The following CCDC171 variants were observed in gnomAD, a reference collection of about 807,000 sequenced individuals.
CCDC171 encodes the protein coiled-coil domain containing 171.
A neutral mutation model predicts 168.2 loss-of-function variants in CCDC171; 177 were observed. That is an observed-to-expected ratio of 1.05 (90% CI 0.93 to 1.19). The LOEUF is 1.19. Ranked by LOEUF, CCDC171 falls within the 50% of genes most tolerant of loss-of-function variation. The pLI, the probability that CCDC171 is intolerant of heterozygous loss-of-function variation, is 0.00. For missense variants in CCDC171, 1,991 were observed against 1,539.0 expected (o/e 1.29, Z -4.91); for synonymous variants, 687 against 540.8 (o/e 1.27, Z -3.75).
At chr9:15,945,811 T>C (rs1317267033) in intron 25 of CCDC171, among the ~76,000 whole-genome samples, 3 of 152,062 alleles carry the variant, frequency 2.0e-5, no homozygotes, top group African/African-American at 7.2e-5. Flanking sequence ...TTGCGAAGAT[T>C]TTCTCCCATT....
chr9:15,567,575 G>C (rs1039298394), intron 2 of CCDC171, among the ~76,000 whole-genome samples: 2 of 152,108 alleles, frequency 1.3e-5, no homozygotes, highest in Admixed American at 6.6e-5. Context: ...ATGAATGTGA[G>C]TATGGTGGAA....
chr9:15,825,466 A>G (rs1303933869), intron 21 of CCDC171, among the ~76,000 whole-genome samples: 4 of 152,190 alleles, frequency 2.6e-5, no homozygotes, highest in Non-Finnish European at 4.4e-5. Context: ...AATAAAAAAT[A>G]AATATAAATT....
chr9:15,623,463 A>ACGCGCACGCGCGCGCGCGCG (rs144676393), intron 7 of CCDC171, 50 bp downstream of exon 7: 5 of 636,466 alleles, frequency 7.9e-6, no homozygotes, highest in Non-Finnish European at 1.3e-5. Context: ...ACTTTCACAT[A>ACGCGCACGCGCGCGCGCGCG]TGCGCGCGCG....
At position 15,742,398 on chromosome 9, in the gene CCDC171, C is replaced by T. The variant is rs1032560151; in HGVS notation, c.2050-1875C>T. ...TTCTTCAGGTATTCTGAATTATTTG[C>T]ATCCTTAGAGCATACGATGCTGTTT... On this transcript the variant is annotated intron_variant, in intron 16 of 25. Transcript: ENST00000380701. Among the ~76,000 whole-genome samples the T allele has an allele frequency of 2.2e-4, 34 of 152,202 alleles. 1 individual carries two copies. The highest frequency in any genetic ancestry group is 7.5e-4 in the African/African-American group (31 of 41,460).
chr9:15,610,184 C>G (rs1348145149), intron 6 of CCDC171, among the ~76,000 whole-genome samples: 3 of 151,608 alleles, frequency 2.0e-5, no homozygotes, highest in Non-Finnish European at 4.4e-5. Context: ...GAAGGTGTTT[C>G]TCCCCCCACC....
intron 24 of CCDC171, among the ~76,000 whole-genome samples, chr9:15,903,076 G>C (rs1006242986): frequency 1.3e-5 from 2 of 152,216 alleles, no homozygotes; most frequent in African/African-American, 4.8e-5. Context: ...AAGGAAGCGT[G>C]CCTGCCTCTG....
intron 7 of CCDC171, among the ~76,000 whole-genome samples, chr9:15,639,452 CCA>C (rs1564112285): frequency 6.6e-6 from 1 of 151,954 alleles, no homozygotes; most frequent in Non-Finnish European, 1.5e-5. Context: ...GAATTTGCGA[CCA>C]CAAATTCTGT....
chr9:15,917,931 C>G (rs1263112812), intron 24 of CCDC171, among the ~76,000 whole-genome samples: 2 of 151,646 alleles, frequency 1.3e-5, no homozygotes, highest in Non-Finnish European at 3.0e-5. Flanking sequence ...TTCAGATTGT[C>G]TCATTTAGAT....
chr9:15,794,498 A>G (rs902339864), intron 21 of CCDC171, among the ~76,000 whole-genome samples: 1 of 146,490 alleles, frequency 6.8e-6, no homozygotes, highest in African/African-American at 2.5e-5. Context: ...AAGAAAAGTC[A>G]TGAATGGATG....
the CCDC171 span, among the ~76,000 whole-genome samples, chr9:16,067,424 C>T: frequency 1.3e-5 from 2 of 152,082 alleles, no homozygotes; most frequent in Non-Finnish European, 2.9e-5. Context: ...CCTGTTCACT[C>T]TGATGGTAGT....
At chr9:15,625,218 C>T (rs2044960539) in intron 7 of CCDC171, among the ~76,000 whole-genome samples, 1 of 152,046 alleles carries the variant, frequency 6.6e-6, no homozygotes, top group East Asian at 1.9e-4. Flanking sequence ...GGATATTAGC[C>T]TTTTGTCAGA....
At chr9:15,920,240 T>A (rs1388232607) in intron 24 of CCDC171, 30 bp from the exon 25 acceptor site, 1 of 1,422,736 alleles carries the variant, frequency 7.0e-7, no homozygotes. Context: ...TTTATTTGAA[T>A]TATATGTGAC....
At chr9:16,080,609 C>T in the CCDC171 span, among the ~76,000 whole-genome samples, 1 of 152,228 alleles carries the variant, frequency 6.6e-6, no homozygotes, top group South Asian at 2.1e-4. Context: ...ATCTACTCAT[C>T]TTTCGTGAGA....
chr9:15,658,901 C>T (rs532078778), intron 8 of CCDC171, among the ~76,000 whole-genome samples: 1 of 152,016 alleles, frequency 6.6e-6, no homozygotes, highest in Non-Finnish European at 1.5e-5. Context: ...TTGGTAATAG[C>T]AGTGATTGGA....
chr9:15,915,777 G>T (rs1038463217), intron 24 of CCDC171, among the ~76,000 whole-genome samples: 15 of 152,128 alleles, frequency 9.9e-5, no homozygotes, highest in African/African-American at 1.4e-4. Flanking sequence ...CTATGTTGAG[G>T]CCTCTCCCTT....
the CCDC171 span, among the ~76,000 whole-genome samples, chr9:16,099,878 A>G: frequency 1.3e-5 from 2 of 152,356 alleles, no homozygotes; most frequent in Middle Eastern, 3.4e-3. Context: ...ATGGAAAGAA[A>G]GAATGATTAT....
chr9:15,676,652 GT>G (rs1241675976), intron 9 of CCDC171, among the ~76,000 whole-genome samples: 2 of 152,064 alleles, frequency 1.3e-5, no homozygotes, highest in East Asian at 3.9e-4. Flanking sequence ...TGATAATCTT[GT>G]GCCTTATTCT....
intron 21 of CCDC171, among the ~76,000 whole-genome samples, chr9:15,832,981 C>CTTTTTTTTTTTTTTTTTTTTTTTT (rs71325937): frequency 1.4e-5 from 1 of 69,438 alleles, no homozygotes; most frequent in Non-Finnish European, 2.7e-5. Flanking sequence ...TCATTATAAT[C>CTTTTTTTTTTTTTTTTTTTTTTTT]TTTTTTTTTT....
chr9:15,780,809 G>T (rs755854653), intron 20 of CCDC171, among the ~76,000 whole-genome samples: 5 of 152,096 alleles, frequency 3.3e-5, no homozygotes, highest in Admixed American at 1.3e-4. Flanking sequence ...GAATACTAGT[G>T]TGTCATATGA....
Sources: gnomAD v4.1 joint callset for allele counts (sites outside exome capture counted in the v4.1 genomes callset) on GRCh38, gnomAD v4.1.1 for gene constraint, MANE v1.5 for transcripts, NCBI Gene and HGNC (gene_info 2026-07-23, HGNC 2026-07-21) for gene names.